Variants in ESRRG observed in about 807,000 individuals in gnomAD.
The protein encoded by ESRRG is estrogen-related receptor gamma.
ESRRG carries 13 observed loss-of-function variants against 44.0 expected under a neutral mutation model. The ratio of observed to expected loss-of-function variants is 0.30; its 90% CI spans 0.19 to 0.47. ESRRG has a LOEUF of 0.47. Among genes scored for constraint, ESRRG ranks in the 20% least tolerant of loss-of-function variants. The pLI is 1.00. For synonymous variants in ESRRG, 215 were observed against 214.6 expected, an observed-to-expected ratio of 1.00 and a Z score of -0.02; for missense variants, 395 against 580.6, an observed-to-expected ratio of 0.68 and a Z score of 3.29.
At chr1:216,600,151 T>C (rs72737330) in intron 3 of ESRRG, among the ~76,000 whole-genome samples, 22,381 of 152,212 alleles carry the variant, frequency 0.15, 2,141 homozygotes, top group Non-Finnish European at 0.21. Flanking sequence ...TGATACGTTA[T>C]TTTTCTTTTA....
Position 216,550,588 on chromosome 1 carries a change from A to T in ESRRG, c.862+13631T>A, listed in dbSNP as rs541665538. On this transcript the variant is annotated intron_variant, in intron 5 of 6. Coordinates refer to ENST00000408911, the MANE Select transcript of ESRRG (RefSeq NM_001438.4). ...AGCTTGATAAGAGGATAACAAGCCA[A>T]GTATGGACGCAACATGGAGCCCACA... Among the ~76,000 whole-genome samples the T allele has an allele frequency of 5.3e-5, 8 of 152,264 alleles. No individual in the cohort carries two copies. The East Asian group carries it at 1.5e-3, about 29-fold the overall frequency.
chr1:216,960,651 T>G (rs763800997), intron 1 of ESRRG, among the ~76,000 whole-genome samples: 123 of 152,142 alleles, frequency 8.1e-4, no homozygotes, highest in Non-Finnish European at 1.6e-3. Flanking sequence ...AGTGGTATAA[T>G]CATGGCTAGC....
Position 217,085,027 on chromosome 1 carries a change from C to A in ESRRG, c.-106+4480G>T, listed in dbSNP as rs770568097. Among the ~76,000 whole-genome samples the A allele has an allele frequency of 2.0e-5, 3 of 151,986 alleles. No individual in the cohort carries two copies. The East Asian group carries it at 5.8e-4, about 29-fold the overall frequency. ...ATATGGTATACATGTCCAAGAGGAA[C>A]GGGAGATGAGATTTATCCCCAATAC... is the stretch of plus-strand genomic sequence containing the variant. On this transcript the variant is annotated intron_variant, in intron 1 of 7. Coordinates refer to the ESRRG transcript ENST00000359162.
chr1:216,532,160 T>C (rs1016669127), intron 5 of ESRRG, among the ~76,000 whole-genome samples: 14 of 151,700 alleles, frequency 9.2e-5, no homozygotes, highest in Non-Finnish European at 1.2e-4. Context: ...CTGATTCTAA[T>C]ACACCTAATT....
At chr1:216,868,984 T>C (rs2096218124) in intron 2 of ESRRG, among the ~76,000 whole-genome samples, 1 of 152,206 alleles carries the variant, frequency 6.6e-6, no homozygotes, top group South Asian at 2.1e-4. Context: ...GTCGGCTATG[T>C]GCTTTGCAAA....
intron 1 of ESRRG, among the ~76,000 whole-genome samples, chr1:216,698,391 C>T (rs576269687): frequency 1.3e-5 from 2 of 151,726 alleles, no homozygotes; most frequent in South Asian, 4.2e-4. Context: ...TGGTGGGGGG[C>T]GCCTGTAGTC....
Position 216,503,793 on chromosome 1 carries a change from A to T in ESRRG, c.*3146T>A, listed in dbSNP as rs1369297509. 2.0e-5 allele frequency: 3 copies of T among 152,586 alleles called. No individual in the cohort carries two copies. The highest frequency in any genetic ancestry group is 7.2e-5 in the African/African-American group (3 of 41,458). The allele number at this position is 152,586 out of a possible 1,614,324, so 9.5% of individuals were successfully genotyped here. ...CTGATCTGATTGAAACACAAGTGTA[A>T]CTACAAGGAGTCACACAATCATATT... On this transcript the variant is annotated 3_prime_UTR_variant, in exon 7 of 7. Transcript: ENST00000408911.
upstream of ESRRG, among the ~76,000 whole-genome samples, chr1:217,090,116 T>G (rs550323810): frequency 7.9e-5 from 12 of 152,322 alleles, no homozygotes; most frequent in East Asian, 1.2e-3. Flanking sequence ...TGTATATATG[T>G]GTGCATATGC....
chr1:216,762,702 T>C (rs2092856501), intron 2 of ESRRG, among the ~76,000 whole-genome samples: 1 of 146,838 alleles, frequency 6.8e-6, no homozygotes, highest in Admixed American at 6.7e-5. Context: ...ACTTAAAGTA[T>C]AATAATAAAA....
intron 1 of ESRRG, among the ~76,000 whole-genome samples, chr1:217,024,555 G>C (rs1254267005): frequency 6.6e-6 from 1 of 151,958 alleles, no homozygotes; most frequent in South Asian, 2.1e-4. Context: ...GGAGACATGA[G>C]CATCATTCAA....
At chr1:217,005,322 G>T (rs1039570459) in intron 1 of ESRRG, among the ~76,000 whole-genome samples, 1 of 152,132 alleles carries the variant, frequency 6.6e-6, no homozygotes, top group Non-Finnish European at 1.5e-5. Context: ...CTAAATAGTG[G>T]CATAAGCTGG....
In ESRRG at chr1:216,710,351, C is replaced by A. The variant is rs146365366; in HGVS notation, c.56+12893G>T. ...TACAGAGCTGGAAACAAAGCCTGCCCAGGGTCCAGAAGACAAGAGAAACAA... is the reference window on the plus strand; with the variant it reads ...TACAGAGCTGGAAACAAAGCCTGCCAAGGGTCCAGAAGACAAGAGAAACAA... On this transcript the variant is annotated intron_variant, in intron 1 of 6. Coordinates refer to ENST00000408911, the MANE Select transcript of ESRRG (RefSeq NM_001438.4). Among the ~76,000 whole-genome samples the A allele has an allele frequency of 7.2e-5, 11 of 152,288 alleles. No homozygotes were observed. The East Asian group carries it at 1.9e-3, about 27-fold the overall frequency.
At chr1:216,945,240 GT>G (rs2065880182) in intron 1 of ESRRG, among the ~76,000 whole-genome samples, 2 of 151,982 alleles carry the variant, frequency 1.3e-5, no homozygotes, top group African/African-American at 4.8e-5. Flanking sequence ...AGAAGAGAGA[GT>G]GCTGAGGAGG....
chr1:216,683,584 C>T (rs1037996018), intron 1 of ESRRG, among the ~76,000 whole-genome samples: 1 of 152,104 alleles, frequency 6.6e-6, no homozygotes. Flanking sequence ...TAGAGCCAGC[C>T]CCCTATAAAG....
intron 1 of ESRRG, among the ~76,000 whole-genome samples, chr1:217,068,484 A>G (rs1193493896): frequency 1.3e-5 from 2 of 152,028 alleles, no homozygotes; most frequent in Non-Finnish European, 2.9e-5. Flanking sequence ...ATCAACCTAG[A>G]TCTAGATGTC....
intron 3 of ESRRG, among the ~76,000 whole-genome samples, chr1:216,633,746 C>CAAA (rs2064723190): frequency 6.6e-6 from 1 of 152,074 alleles, no homozygotes; most frequent in Non-Finnish European, 1.5e-5. Flanking sequence ...ACATTCCTGT[C>CAAA]AATTATTTTA....
chr1:216,914,335 C>T (rs968189809), intron 2 of ESRRG, among the ~76,000 whole-genome samples: 5 of 152,054 alleles, frequency 3.3e-5, no homozygotes, highest in East Asian at 1.9e-4. Context: ...AGTGTAGTAT[C>T]GCATATTTAA....
intron 1 of ESRRG, among the ~76,000 whole-genome samples, chr1:217,131,768 T>A (rs1036881996): frequency 6.6e-6 from 1 of 152,200 alleles, no homozygotes; most frequent in African/African-American, 2.4e-5. Context: ...AAATTTGAGT[T>A]CAAATTGGTG....
chr1:216,761,026 C>A (rs75457741), intron 2 of ESRRG, among the ~76,000 whole-genome samples: 4,597 of 152,096 alleles, frequency 0.03, 217 homozygotes, highest in African/African-American at 0.1. Flanking sequence ...GCAGCCCCAA[C>A]CCACTGTTGC....
Sources: gnomAD v4.1 joint callset for allele counts (sites outside exome capture counted in the v4.1 genomes callset) on GRCh38, gnomAD v4.1.1 for gene constraint, MANE v1.5 for transcripts, NCBI Gene and HGNC (gene_info 2026-07-23, HGNC 2026-07-21) for gene names.